The following CHD6 variants were observed in gnomAD, a reference collection of about 807,000 sequenced individuals.
CHD6 encodes the protein chromodomain helicase DNA binding protein 6, also known as ATP-dependent chromatin remodeler CHD6.
Under a neutral mutation model 276.9 loss-of-function variants are expected in CHD6, and 50 were observed. That is an observed-to-expected ratio of 0.18 (90% CI 0.14 to 0.23). The LOEUF is 0.23. CHD6 is among the 10% of genes least tolerant of loss of function. CHD6 has a pLI of 1.00. For synonymous variants in CHD6, 1,173 were observed against 1,229.3 expected (o/e 0.95, Z 0.96); for missense variants, 2,564 against 3,365.8 (o/e 0.76, Z 5.89).
At chr20:41,602,364 C>T (rs1377877030) in intron 1 of CHD6, among the ~76,000 whole-genome samples, 4 of 152,196 alleles carry the variant, frequency 2.6e-5, no homozygotes, top group Non-Finnish European at 5.9e-5. Flanking sequence ...GTGCCCATTT[C>T]ACCTTCCTAT....
At chr20:41,510,689 G>A (rs552239648) in intron 5 of CHD6, among the ~76,000 whole-genome samples, 63 of 152,302 alleles carry the variant, frequency 4.1e-4, no homozygotes, top group African/African-American at 1.5e-3. Context: ...CCCTTCAGGT[G>A]CCAGGGGAGA....
At chr20:41,426,440 G>A (rs2047368273) in intron 27 of CHD6, among the ~76,000 whole-genome samples, 1 of 152,038 alleles carries the variant, frequency 6.6e-6, no homozygotes, top group African/African-American at 2.4e-5. Flanking sequence ...CGCTCTCTCT[G>A]GCAATTACAT....
In CHD6 at chr20:41,584,616, A is replaced by G. The variant is rs112769250; in HGVS notation, c.-23-33256T>C. Among the ~76,000 whole-genome samples, 14 of 152,338 alleles carry G rather than the reference A, an allele frequency of 9.2e-5. 3 individuals carry two copies. The highest frequency in any genetic ancestry group is 3.4e-4 in the African/African-American group (14 of 41,580). ...CAACAAATTTGAAAGAATTAAAATT[A>G]TATTATCCAACTACAAAAAAATTAA... is the stretch of plus-strand genomic sequence containing the variant. On this transcript the variant is annotated intron_variant, in intron 1 of 36. Coordinates refer to ENST00000373233, the MANE Select transcript of CHD6 (RefSeq NM_032221.5).
chr20:41,569,727 T>A (rs1236335944), intron 1 of CHD6, among the ~76,000 whole-genome samples: 1 of 152,186 alleles, frequency 6.6e-6, no homozygotes. Flanking sequence ...AAATATAAAA[T>A]TTTTAAAAAT....
intron 1 of CHD6, among the ~76,000 whole-genome samples, chr20:41,555,576 G>C (rs113143774): frequency 1.3e-5 from 2 of 150,818 alleles, no homozygotes; most frequent in Non-Finnish European, 3.0e-5. Flanking sequence ...CTTCTCAGAC[G>C]GGGCGGCCGG....
chr20:41,493,529 C>G lies in CHD6; in HGVS notation c.1314+9G>C, dbSNP rs1164110113. ...CGAGAAGTGCCAGAGAGAGACAAAA[C>G]TACTTTACCACATGCTTAATTTCAG... On this transcript the variant is annotated intron_variant, in intron 10 of 36. Coordinates refer to ENST00000373233, the MANE Select transcript of CHD6 (RefSeq NM_032221.5). 1 of 1,612,950 alleles carries G rather than the reference C, an allele frequency of 6.2e-7. No homozygotes were observed. Among genetic ancestry groups the G allele is most frequent in the Non-Finnish European group, 8.5e-7 (1 of 1,179,386 alleles).
Position 41,473,619 on chromosome 20 carries a change from C to A in CHD6, c.2469-102G>T. The A allele has an allele frequency of 1.1e-6, 1 of 937,740 alleles. No homozygotes were observed. The highest frequency in any genetic ancestry group is 1.6e-6 in the Non-Finnish European group (1 of 610,852). 58.1% of individuals were successfully genotyped at this position (937,740 alleles called of 1,614,324 possible). ...TGTCGACTGATGGCCTTAAATCCCTCACTTCTAAATTTGGACCAAATGACA... is the reference window on the plus strand; with the variant it reads ...TGTCGACTGATGGCCTTAAATCCCTAACTTCTAAATTTGGACCAAATGACA... On this transcript the variant is annotated intron_variant, in intron 16 of 36. Transcript: ENST00000373233. The surrounding 1 kb of genome is among the most constrained non-coding windows in gnomAD (Gnocchi z 4.1).
At chr20:41,569,413 T>C (rs935297967) in intron 1 of CHD6, among the ~76,000 whole-genome samples, 11 of 152,212 alleles carry the variant, frequency 7.2e-5, no homozygotes, top group Admixed American at 7.2e-4. Context: ...AAACCACTAC[T>C]AACTTCTAAT....
chr20:41,470,236 A>C (rs2043023251), intron 17 of CHD6, among the ~76,000 whole-genome samples: 1 of 151,666 alleles, frequency 6.6e-6, no homozygotes, highest in African/African-American at 2.4e-5. Context: ...TCCTCTCTCT[A>C]TCACATCTTT....
chr20:41,510,836 T>C (rs2044100167), intron 5 of CHD6, among the ~76,000 whole-genome samples: 1 of 152,220 alleles, frequency 6.6e-6, no homozygotes, highest in Non-Finnish European at 1.5e-5. Context: ...TACAAAGCAA[T>C]ACAATTCTAT....
chr20:41,598,364 T>C (rs2045740062), intron 1 of CHD6, among the ~76,000 whole-genome samples: 1 of 152,134 alleles, frequency 6.6e-6, no homozygotes, highest in South Asian at 2.1e-4. Context: ...AAGTTAAAGA[T>C]TTAAAACCCA....
chr20:41,591,852 C>T (rs1283332801), intron 1 of CHD6, among the ~76,000 whole-genome samples: 1 of 152,006 alleles, frequency 6.6e-6, no homozygotes, highest in South Asian at 2.1e-4. Flanking sequence ...GTAATCGCAG[C>T]CCTCTGGGAG....
intron 1 of CHD6, among the ~76,000 whole-genome samples, chr20:41,591,852 C>G (rs1283332801): frequency 1.3e-5 from 2 of 152,006 alleles, no homozygotes; most frequent in African/African-American, 4.8e-5. Flanking sequence ...GTAATCGCAG[C>G]CCTCTGGGAG....
intron 3 of CHD6, among the ~76,000 whole-genome samples, chr20:41,530,702 C>G (rs1019306767): frequency 1.3e-5 from 2 of 152,190 alleles, no homozygotes; most frequent in African/African-American, 4.8e-5. Flanking sequence ...CAAAGGCTAA[C>G]CAGTCCAGAA....
At position 41,499,222 on chromosome 20, in the gene CHD6, C is replaced by G. The variant is rs771050798; in HGVS notation, c.915+73G>C. 100 of 1,227,518 alleles carry G rather than the reference C, an allele frequency of 8.1e-5. 1 individual carries two copies. The highest frequency in any genetic ancestry group is 1.1e-4 in the Non-Finnish European group (93 of 873,770). The allele number at this position is 1,227,518 out of a possible 1,614,324, so 76.0% of individuals were successfully genotyped here. On this transcript the variant is annotated intron_variant, in intron 6 of 36. Coordinates refer to ENST00000373233, the MANE Select transcript of CHD6 (RefSeq NM_032221.5). ...GCCAATAATGGTCATTCTAGGTTCT[C>G]TAGCCAAAAATCTCTTCACAGAAGA...
intron 11 of CHD6, among the ~76,000 whole-genome samples, chr20:41,491,033 GGTGAGTGA>G (rs199582160): frequency 6.6e-6 from 1 of 151,872 alleles, no homozygotes; most frequent in South Asian, 2.1e-4. Flanking sequence ...AGTTGCTCTG[GGTGAGTGA>G]GTGAGTGAGT....
rs2145783660 is a variant in CHD6 at position 41,473,494 on chromosome 20, C to T, written c.2492G>A (p.Gly831Glu). ...CTGGCGCAGGTTTCCCCGTACTCGC[C>T]CATCAATTCGCTCATAGGTGTATCT... Reference protein sequence around the residue: ...QRRYTYERIDGRVRGNLRQAA... With the variant: ...QRRYTYERIDERVRGNLRQAA... The change falls in exon 17 of 37, where the codon GGG (glycine) becomes GAG (glutamate). Residue 831 changes from glycine (G) to glutamate (E), a missense_variant. Gly to Glu is a moderately conservative substitution (Grantham distance 98). This residue lies in a region of CHD6 where 457 missense variants were observed against 889.0 expected (regional missense o/e 0.51). Coordinates refer to ENST00000373233, the MANE Select transcript of CHD6 (RefSeq NM_032221.5). The surrounding 1 kb of genome is among the most constrained non-coding windows in gnomAD (Gnocchi z 4.1). The T allele has an allele frequency of 6.2e-7, 1 of 1,614,044 alleles. No homozygotes were observed. Among genetic ancestry groups the T allele is most frequent in the African/African-American group, 1.3e-5 (1 of 75,016 alleles).
intron 27 of CHD6, among the ~76,000 whole-genome samples, chr20:41,436,300 C>T (rs1315377409): frequency 6.6e-6 from 1 of 152,148 alleles, no homozygotes; most frequent in Non-Finnish European, 1.5e-5. Context: ...ATTAAAATCA[C>T]AACAAGGTAT....
intron 1 of CHD6, among the ~76,000 whole-genome samples, chr20:41,590,166 G>A (rs982729324): frequency 1.3e-5 from 2 of 152,172 alleles, no homozygotes; most frequent in African/African-American, 2.4e-5. Flanking sequence ...GCCATATGTA[G>A]AAAGCTGAAG....
Sources: gnomAD v4.1 joint callset for allele counts (sites outside exome capture counted in the v4.1 genomes callset) on GRCh38, gnomAD v4.1.1 for gene constraint, gnomAD v4.1.1 regional missense constraint, Gnocchi (gnomAD v3.1) non-coding constraint, MANE v1.5 for transcripts, NCBI Gene and HGNC (gene_info 2026-07-23, HGNC 2026-07-21) for gene names.